DNAH12: variants seen among roughly 807,000 people sequenced by gnomAD.
DNAH12 encodes the protein dynein axonemal heavy chain 12.
Under a neutral mutation model 371.5 loss-of-function variants are expected in DNAH12, and 285 were observed. The observed-to-expected ratio is 0.77, with a 90% CI of 0.70 to 0.85. The LOEUF (loss-of-function observed/expected upper bound fraction) is 0.85, where lower values mean the gene tolerates loss of function less well. Ranked by LOEUF, DNAH12 falls within the 40% of genes least tolerant of loss-of-function variation. DNAH12 has a pLI of 0.00. For missense variants in DNAH12, 3,611 were observed against 3,689.4 expected, an observed-to-expected ratio of 0.98 and a Z score of 0.55; for synonymous variants, 1,200 against 1,213.0, an observed-to-expected ratio of 0.99 and a Z score of 0.22.
intron 9 of DNAH12, among the ~76,000 whole-genome samples, 165 bp downstream of exon 9, chr3:57,503,851 T>A (rs1433027617): frequency 1.3e-5 from 2 of 152,154 alleles, no homozygotes; most frequent in Admixed American, 1.3e-4. Flanking sequence ...AAATGTCATC[T>A]CCAGCCTTCA....
In DNAH12 at chr3:57,369,086, G is replaced by C. The variant is rs2063111940; in HGVS notation, c.8760-826C>G. ...AATACAAAAATTAGCTGGGCGCAGT[G>C]GTGGGTGCCTGTAATCCCAGCTACA... On this transcript the variant is annotated intron_variant, in intron 55 of 73. Coordinates refer to ENST00000495027, the MANE Select transcript of DNAH12 (RefSeq NM_001366028.2). Among the ~76,000 whole-genome samples, 6 of 151,526 alleles carry C rather than the reference G, an allele frequency of 4.0e-5. No individual in the cohort carries two copies. In the South Asian group the frequency reaches 1.0e-3, roughly 26 times the overall value.
chr3:57,531,323 T>A (rs2068838825), intron 2 of DNAH12, among the ~76,000 whole-genome samples: 1 of 152,236 alleles, frequency 6.6e-6, no homozygotes. Flanking sequence ...GCACTTTAAA[T>A]ATTTCATTCC....
intron 23 of DNAH12, 24 bp from the exon 24 acceptor site, chr3:57,453,427 T>G (rs974168881): frequency 6.7e-7 from 1 of 1,486,602 alleles, no homozygotes; most frequent in African/African-American, 1.4e-5. Flanking sequence ...AAAAAAGCAA[T>G]CTAATTGATG....
At chr3:57,459,850 G>A in intron 19 of DNAH12, 64 bp from the exon 20 acceptor site, 1 of 1,183,338 alleles carries the variant, frequency 8.5e-7, no homozygotes, top group Non-Finnish European at 1.1e-6. Flanking sequence ...TTATAGCAAG[G>A]AAAATACATT....
chr3:57,453,145 G>A, intron 24 of DNAH12, 102 bp downstream of exon 24: 2 of 1,461,112 alleles, frequency 1.4e-6, no homozygotes, highest in South Asian at 1.4e-5. Context: ...AAAAGATTGT[G>A]TTAAAAAAAT....
Position 57,390,425 on chromosome 3 carries a change from ATATATATAT to A in DNAH12, c.7305+1438_7305+1446del, listed in dbSNP as rs1263109152. ...TCCTGTCTCAAAAAAAAAAAAAAAA[ATATATATAT>A]ATATATATATATATATACTTAGACC... On this transcript the variant is annotated intron_variant, in intron 45 of 73. Transcript: ENST00000495027. 1.2e-4 allele frequency among the ~76,000 whole-genome samples: 5 copies of A among 40,960 alleles called. 2 individuals are homozygous for A. The highest frequency in any genetic ancestry group is 2.7e-3 in the South Asian group (2 of 748). The allele number at this position is 40,960 out of a possible 152,430, so 26.9% of individuals were successfully genotyped here.
rs2068348748 is a variant in DNAH12 at position 57,519,951 on chromosome 3, T to C, written c.279+3632A>G. 4 of 866,464 alleles carry C rather than the reference T, an allele frequency of 4.6e-6. No homozygotes were observed. In the East Asian group the frequency reaches 1.0e-4, roughly 22 times the overall value. The allele number at this position is 866,464 out of a possible 1,614,324, so 53.7% of individuals were successfully genotyped here. On this transcript the variant is annotated intron_variant, in intron 4 of 73. Coordinates refer to ENST00000495027, the MANE Select transcript of DNAH12 (RefSeq NM_001366028.2). ...TCTTGTCGCCTCCCGACTTGGAGCC[T>C]GCGCTCCTGGAGTGAGAGGTCAGGG...
intron 67 of DNAH12, among the ~76,000 whole-genome samples, chr3:57,310,449 T>G (rs1036788531): frequency 1.3e-5 from 2 of 152,236 alleles, no homozygotes; most frequent in Admixed American, 1.3e-4. Flanking sequence ...CCCCTGGCAC[T>G]GAGCCTAAGA....
chr3:57,334,370 T>G, intron 62 of DNAH12, 95 bp downstream of exon 62: 1 of 1,298,180 alleles, frequency 7.7e-7, no homozygotes, highest in Non-Finnish European at 1.0e-6. Context: ...ATAATCAATC[T>G]GAGAGTTAAA....
At chr3:57,355,879 G>A (rs997290278) in intron 59 of DNAH12, among the ~76,000 whole-genome samples, 2 of 152,052 alleles carry the variant, frequency 1.3e-5, no homozygotes, top group Non-Finnish European at 2.9e-5. Context: ...TACTTAACAA[G>A]TACAGCAGTT....
intron 45 of DNAH12, among the ~76,000 whole-genome samples, chr3:57,390,088 C>T (rs1274055431): frequency 6.7e-6 from 1 of 149,142 alleles, no homozygotes; most frequent in Non-Finnish European, 1.5e-5. Flanking sequence ...CCCACCTCAG[C>T]CTCCCAAAGT....
At chr3:57,520,428 T>C (rs952428689) in intron 4 of DNAH12, among the ~76,000 whole-genome samples, 3 of 142,686 alleles carry the variant, frequency 2.1e-5, no homozygotes, top group Non-Finnish European at 4.5e-5. Flanking sequence ...ATTTTTATTT[T>C]ATTATTTTAT....
chr3:57,325,013 G>A (rs898522636), intron 62 of DNAH12, among the ~76,000 whole-genome samples: 10 of 152,262 alleles, frequency 6.6e-5, no homozygotes, highest in African/African-American at 2.4e-4. Context: ...CAGCGAGGCT[G>A]GGGAAGGGGC....
chr3:57,331,596 T>C (rs1025126036), intron 62 of DNAH12, among the ~76,000 whole-genome samples: 1 of 152,118 alleles, frequency 6.6e-6, no homozygotes, highest in Admixed American at 6.5e-5. Context: ...TAGATAATGT[T>C]CCTTGTGAGA....
chr3:57,418,769 T>C (rs894796326), intron 37 of DNAH12, among the ~76,000 whole-genome samples: 5 of 152,210 alleles, frequency 3.3e-5, no homozygotes, highest in South Asian at 2.1e-4. Context: ...TTTATGATTA[T>C]ATAAACTTGT....
intron 60 of DNAH12, among the ~76,000 whole-genome samples, chr3:57,337,676 G>T (rs894909412): frequency 6.6e-6 from 1 of 151,886 alleles, no homozygotes; most frequent in African/African-American, 2.4e-5. Context: ...ATATATATAT[G>T]TGTGTATATA....
At chr3:57,364,790 T>G (rs2063010687) in intron 57 of DNAH12, among the ~76,000 whole-genome samples, 1 of 152,102 alleles carries the variant, frequency 6.6e-6, no homozygotes, top group Non-Finnish European at 1.5e-5. Context: ...AACAACCCCA[T>G]TAAAAAATGG....
chr3:57,421,773 C>T (rs1379715866), intron 35 of DNAH12, 67 bp from the exon 36 acceptor site: 2 of 1,521,446 alleles, frequency 1.3e-6, no homozygotes, highest in Admixed American at 2.0e-5. Flanking sequence ...GAAACATTAA[C>T]CAAAATTCAA....
intron 57 of DNAH12, among the ~76,000 whole-genome samples, chr3:57,365,567 C>G (rs1187154670): frequency 6.6e-6 from 1 of 152,002 alleles, no homozygotes; most frequent in Non-Finnish European, 1.5e-5. Flanking sequence ...ACACGTTTAC[C>G]TATGTAACAA....
Sources: gnomAD v4.1 joint callset for allele counts (sites outside exome capture counted in the v4.1 genomes callset) on GRCh38, gnomAD v4.1.1 for gene constraint, MANE v1.5 for transcripts, NCBI Gene and HGNC (gene_info 2026-07-23, HGNC 2026-07-21) for gene names.